The following STK32B variants were observed in gnomAD, a reference collection of about 807,000 sequenced individuals.
The protein encoded by STK32B is serine/threonine-protein kinase 32B.
Under a neutral mutation model 52.6 loss-of-function variants are expected in STK32B, and 43 were observed. That is an observed-to-expected ratio of 0.82 (90% CI 0.64 to 1.05). The LOEUF (loss-of-function observed/expected upper bound fraction) is 1.05. Ranked by LOEUF, STK32B falls within the 50% of genes least tolerant of loss-of-function variation. The pLI is 0.00. For synonymous variants in STK32B, 238 were observed against 204.3 expected (o/e 1.17, Z -1.41); for missense variants, 621 against 534.6 (o/e 1.16, Z -1.59).
At chr4:5,353,619 C>A (rs190044505) in intron 4 of STK32B, among the ~76,000 whole-genome samples, 1 of 151,592 alleles carries the variant, frequency 6.6e-6, no homozygotes, top group Admixed American at 6.6e-5. Context: ...ATAAAAATGA[C>A]CAACAGGTAT....
intron 3 of STK32B, among the ~76,000 whole-genome samples, chr4:5,307,160 C>G (rs1383969656): frequency 6.6e-6 from 1 of 152,052 alleles, no homozygotes; most frequent in African/African-American, 2.4e-5. Context: ...GTTTTTTGAA[C>G]TTGTTGTATT....
the STK32B span, among the ~76,000 whole-genome samples, chr4:5,031,961 ACC>A: frequency 1.3e-5 from 2 of 152,270 alleles, no homozygotes; most frequent in East Asian, 3.9e-4. Context: ...AACAGATACC[ACC>A]TTGCATTACA....
chr4:5,187,693 C>G (rs775203133), intron 3 of STK32B, among the ~76,000 whole-genome samples: 1 of 152,146 alleles, frequency 6.6e-6, no homozygotes, highest in Non-Finnish European at 1.5e-5. Flanking sequence ...TGATTTCAAA[C>G]TAACAATATG....
chr4:5,473,511 G>C (rs1399827327), intron 11 of STK32B, among the ~76,000 whole-genome samples: 1 of 152,148 alleles, frequency 6.6e-6, no homozygotes. Context: ...GGCCCAGAGT[G>C]GATTAAGGGC....
At position 5,460,857 on chromosome 4, in the gene STK32B, C is replaced by A. The variant is rs1716973181; in HGVS notation, c.909+629C>A. Among the ~76,000 whole-genome samples the A allele has an allele frequency of 6.6e-6, 1 of 152,190 alleles. No homozygotes were observed. The highest frequency in any genetic ancestry group is 1.9e-4 in the East Asian group (1 of 5,192). On this transcript the variant is annotated intron_variant, in intron 9 of 11. Transcript: ENST00000282908. The surrounding 1 kb of genome is among the most constrained non-coding windows in gnomAD (Gnocchi z 4.8). ...AATAGGAAATGGGGCCAGGAGGGAA[C>A]ACATGCCACACCAAAAAGGCTTCCA...
intron 3 of STK32B, among the ~76,000 whole-genome samples, chr4:5,284,774 T>G (rs1328996073): frequency 6.6e-6 from 1 of 152,352 alleles, no homozygotes; most frequent in South Asian, 2.1e-4. Flanking sequence ...GCAGCTCATC[T>G]TTCCAGTAAA....
intron 3 of STK32B, among the ~76,000 whole-genome samples, chr4:5,237,231 G>A (rs1350565637): frequency 1.3e-5 from 2 of 152,178 alleles, no homozygotes; most frequent in African/African-American, 4.8e-5. Flanking sequence ...TGATGGGAGG[G>A]AGGCACCATC....
intron 4 of STK32B, among the ~76,000 whole-genome samples, chr4:5,341,703 C>T (rs894370858): frequency 2.6e-5 from 4 of 152,086 alleles, no homozygotes; most frequent in South Asian, 2.1e-4. Context: ...CATGGTTCTG[C>T]GGGCTGCACG....
At chr4:5,441,313 T>A (rs1324933768) in intron 6 of STK32B, among the ~76,000 whole-genome samples, 2 of 151,854 alleles carry the variant, frequency 1.3e-5, no homozygotes, top group Non-Finnish European at 3.0e-5. Flanking sequence ...GAGATTCAAC[T>A]TCTTCCTGGT....
intron 1 of STK32B, among the ~76,000 whole-genome samples, chr4:5,052,622 C>T (rs1741835111): frequency 6.6e-6 from 1 of 152,152 alleles, no homozygotes. Context: ...CTTCACCTCT[C>T]TGAAACATTA....
At chr4:5,090,345 T>C (rs998251791) in intron 1 of STK32B, among the ~76,000 whole-genome samples, 1 of 151,022 alleles carries the variant, frequency 6.6e-6, no homozygotes, top group African/African-American at 2.4e-5. Context: ...TGGTTTTGGG[T>C]TTTACATTTA....
chr4:5,299,061 C>T (rs548147259), intron 3 of STK32B, among the ~76,000 whole-genome samples: 1 of 152,090 alleles, frequency 6.6e-6, no homozygotes, highest in East Asian at 2.0e-4. Flanking sequence ...GTTACCCAGC[C>T]CCTTCTGGGC....
intron 6 of STK32B, among the ~76,000 whole-genome samples, chr4:5,426,037 A>G (rs1713062285): frequency 6.6e-6 from 1 of 152,202 alleles, no homozygotes; most frequent in Non-Finnish European, 1.5e-5. Context: ...AGTTTTACAT[A>G]TTTATGAATA....
rs574664896 is a variant in STK32B, at chr4:5,399,018, G to A, written c.472+774G>A. Among the ~76,000 whole-genome samples the A allele has an allele frequency of 3.3e-5, 5 of 152,234 alleles. No homozygotes were observed. Among genetic ancestry groups the A allele is most frequent in the Non-Finnish European group, 7.3e-5 (5 of 68,038 alleles). On this transcript the variant is annotated intron_variant, in intron 5 of 11. Transcript: ENST00000282908. The surrounding 1 kb of genome is among the most constrained non-coding windows in gnomAD (Gnocchi z 5.4). ...CCTGGGCTCCTGTGTTCTGGATCCT[G>A]TGTCCTGTGTTGGGATGGAATGCCC...
chr4:5,248,798 C>G (rs1262012708), intron 3 of STK32B, among the ~76,000 whole-genome samples: 3 of 152,046 alleles, frequency 2.0e-5, no homozygotes, highest in African/African-American at 7.2e-5. Context: ...AGCTGGAAAG[C>G]ATAATTCTCA....
chr4:5,136,020 G>T (rs1716053850), intron 1 of STK32B, among the ~76,000 whole-genome samples: 1 of 152,142 alleles, frequency 6.6e-6, no homozygotes, highest in African/African-American at 2.4e-5. Context: ...TGCCTCCTTA[G>T]AAATTCAGGA....
At chr4:5,423,353 G>T (rs963161030) in intron 6 of STK32B, among the ~76,000 whole-genome samples, 1 of 152,140 alleles carries the variant, frequency 6.6e-6, no homozygotes, top group Non-Finnish European at 1.5e-5. Context: ...CTCAGGAAAT[G>T]TTGGCCACTG....
intron 2 of STK32B, among the ~76,000 whole-genome samples, chr4:5,149,126 A>C (rs541385104): frequency 6.6e-6 from 1 of 151,786 alleles, no homozygotes; most frequent in Admixed American, 6.6e-5. Context: ...AAAATGTTTG[A>C]TAGGATTTAC....
chr4:5,113,669 A>G (rs899979789), intron 1 of STK32B, among the ~76,000 whole-genome samples: 1 of 152,196 alleles, frequency 6.6e-6, no homozygotes, highest in African/African-American at 2.4e-5. Context: ...TGCCCTCAAT[A>G]TAAGAAATAA....
Sources: gnomAD v4.1 joint callset for allele counts (sites outside exome capture counted in the v4.1 genomes callset) on GRCh38, gnomAD v4.1.1 for gene constraint, Gnocchi (gnomAD v3.1) non-coding constraint, MANE v1.5 for transcripts, NCBI Gene and HGNC (gene_info 2026-07-23, HGNC 2026-07-21) for gene names.